The following CTNND2 variants were observed in gnomAD, a reference collection of about 807,000 sequenced individuals.
CTNND2 encodes catenin delta-2.
Under a neutral mutation model 144.4 loss-of-function variants are expected in CTNND2, and 22 were observed. The observed-to-expected ratio is 0.15, with a 90% confidence interval of 0.11 to 0.22. The LOEUF (loss-of-function observed/expected upper bound fraction) is 0.22, where lower values mean the gene tolerates loss of function less well. Among genes scored for constraint, CTNND2 ranks in the 10% least tolerant of loss-of-function variants. The probability of loss-of-function intolerance (pLI) is 1.00; values close to 1 mark genes in which losing one functional copy is unlikely to be tolerated. For synonymous variants in CTNND2, 751 were observed against 695.6 expected (o/e 1.08, Z -1.25); for missense variants, 1,353 against 1,618.8 (o/e 0.84, Z 2.82).
At chr5:11,209,894 C>T (rs1738449225) in intron 10 of CTNND2, among the ~76,000 whole-genome samples, 1 of 152,020 alleles carries the variant, frequency 6.6e-6, no homozygotes, top group African/African-American at 2.4e-5. Flanking sequence ...TGCACTCCAG[C>T]CTGGGAGACA....
At chr5:11,286,087 C>A in intron 9 of CTNND2, among the ~76,000 whole-genome samples, 1 of 151,016 alleles carries the variant, frequency 6.6e-6, no homozygotes. Context: ...ACACTACACA[C>A]AAGAAGTTGA....
chr5:11,836,528 C>T (rs1164764841), intron 1 of CTNND2, among the ~76,000 whole-genome samples: 3 of 144,396 alleles, frequency 2.1e-5, no homozygotes, highest in Non-Finnish European at 4.5e-5. Flanking sequence ...TAAAAGGAGC[C>T]AAACTACCAA....
chr5:11,566,269 G>A (rs1049871146), intron 2 of CTNND2, among the ~76,000 whole-genome samples: 2 of 152,164 alleles, frequency 1.3e-5, no homozygotes, highest in African/African-American at 4.8e-5. Flanking sequence ...TGCTGAAACT[G>A]AGGGAACATT....
intron 8 of CTNND2, among the ~76,000 whole-genome samples, chr5:11,351,162 G>C (rs575705816): frequency 6.6e-6 from 1 of 152,222 alleles, no homozygotes; most frequent in South Asian, 2.1e-4. Flanking sequence ...TTTCTGGACT[G>C]TTGAACACTT....
chr5:11,396,613 A>G (rs1297531147), intron 6 of CTNND2, among the ~76,000 whole-genome samples: 3 of 152,186 alleles, frequency 2.0e-5, no homozygotes. Context: ...CTTTATATTG[A>G]TATCAAAAAC....
At position 11,006,570 on chromosome 5, in the gene CTNND2, C is replaced by T. The variant is rs1032592264; in HGVS notation, c.3084+11404G>A. On this transcript the variant is annotated intron_variant, in intron 18 of 21. Coordinates refer to ENST00000304623, the MANE Select transcript of CTNND2 (RefSeq NM_001332.4). ...TTGGATCATTAGATGTTTAGGTCTG[C>T]GTGTTACAGTGGGGAGCCCTCCCTA... Among the ~76,000 whole-genome samples the T allele has an allele frequency of 3.9e-5, 6 of 152,296 alleles. No homozygotes were observed. In the East Asian group the frequency reaches 5.8e-4, roughly 15 times the overall value.
intron 2 of CTNND2, among the ~76,000 whole-genome samples, chr5:11,596,734 C>T (rs1020994590): frequency 1.3e-5 from 2 of 152,056 alleles, no homozygotes; most frequent in Admixed American, 6.6e-5. Flanking sequence ...AGTTCAGATG[C>T]GTAGAGGGTA....
intron 10 of CTNND2, among the ~76,000 whole-genome samples, chr5:11,200,673 CTTTTCTT>C (rs1419595302): frequency 3.3e-5 from 5 of 152,124 alleles, no homozygotes; most frequent in South Asian, 2.1e-4. Flanking sequence ...CTCTTTCTTT[CTTTTCTT>C]TTTTCTTTTT....
chr5:11,385,168 G>T lies in CTNND2; in HGVS notation c.674C>A (p.Pro225Gln). The T allele has an allele frequency of 2.0e-6, 2 of 1,021,900 alleles. No homozygotes were observed. The highest frequency in any genetic ancestry group is 1.8e-4 in the East Asian group (2 of 11,326). 63.3% of individuals were successfully genotyped at this position (1,021,900 alleles called of 1,614,324 possible). Residue 225 changes from proline (P) to glutamine (Q), a missense_variant, in exon 7 of 22, where the codon CCG becomes CAG. Around this residue, in one of 4 missense-constraint regions of CTNND2, gnomAD observed 708 missense variants for 706.4 expected, o/e 1.00. Coordinates refer to ENST00000304623, the MANE Select transcript of CTNND2 (RefSeq NM_001332.4). ...GCTGGGCGCGAACGGCTCCCGCGGC[G>T]GCGGCGGCGGCGGCGGCGCGGGCTC... ...GPEPAPPPPPPPREPFAPSLG... is the reference protein window; with the variant it reads ...GPEPAPPPPPQPREPFAPSLG...
intron 2 of CTNND2, among the ~76,000 whole-genome samples, chr5:11,723,777 C>T (rs1426323186): frequency 6.6e-6 from 1 of 152,080 alleles, no homozygotes; most frequent in Non-Finnish European, 1.5e-5. Context: ...AGTTATTGGG[C>T]CGGGCGTGGT....
Position 11,803,423 on chromosome 5 carries a change from G to A in CTNND2, c.38-71151C>T, listed in dbSNP as rs550356748. On this transcript the variant is annotated intron_variant, in intron 1 of 21. Transcript: ENST00000304623. Reference sequence around the variant, plus strand: ...TCATCTTTGCTCCAAAGGGGAAAAGGAATCTGAACTGTATAAACTTGTGCA... The same window carrying A: ...TCATCTTTGCTCCAAAGGGGAAAAGAAATCTGAACTGTATAAACTTGTGCA... Among the ~76,000 whole-genome samples the A allele has an allele frequency of 9.8e-5, 15 of 152,298 alleles. No individual in the cohort carries two copies. The South Asian group carries it at 2.9e-3, about 30-fold the overall frequency.
intron 2 of CTNND2, among the ~76,000 whole-genome samples, chr5:11,673,638 G>T (rs1045418421): frequency 6.6e-6 from 1 of 152,136 alleles, no homozygotes; most frequent in South Asian, 2.1e-4. Context: ...GTTTTGTAAT[G>T]GCCTCAAGCC....
intron 1 of CTNND2, among the ~76,000 whole-genome samples, chr5:11,747,353 A>C (rs1387406736): frequency 6.6e-6 from 1 of 152,196 alleles, no homozygotes; most frequent in African/African-American, 2.4e-5. Flanking sequence ...AGGAAGTTCT[A>C]ACATATTTCA....
chr5:11,051,882 C>G (rs185628900), intron 16 of CTNND2, among the ~76,000 whole-genome samples: 50 of 152,238 alleles, frequency 3.3e-4, no homozygotes, highest in African/African-American at 1.1e-3. Flanking sequence ...TTTAAAAATA[C>G]TAAATTTTTG....
chr5:10,979,798 T>C (rs1319046659), intron 21 of CTNND2, among the ~76,000 whole-genome samples: 3 of 152,158 alleles, frequency 2.0e-5, no homozygotes, highest in Non-Finnish European at 4.4e-5. Context: ...AAACAAGCAA[T>C]GGGGAAAAGA....
intron 3 of CTNND2, among the ~76,000 whole-genome samples, chr5:11,454,584 CAG>C (rs1765572986): frequency 6.7e-6 from 1 of 149,476 alleles, no homozygotes. Flanking sequence ...ATATTCATAA[CAG>C]AAAGTTTTTT....
intron 12 of CTNND2, among the ~76,000 whole-genome samples, chr5:11,151,986 C>G (rs1757791818): frequency 6.6e-6 from 1 of 152,038 alleles, no homozygotes; most frequent in Non-Finnish European, 1.5e-5. Flanking sequence ...ATGGAAAAGA[C>G]AGGGCACATA....
At chr5:11,069,160 C>G (rs1747953961) in intron 16 of CTNND2, among the ~76,000 whole-genome samples, 1 of 152,124 alleles carries the variant, frequency 6.6e-6, no homozygotes, top group African/African-American at 2.4e-5. Flanking sequence ...TGTTCTTATT[C>G]CTAAAGAGTG....
chr5:11,443,417 G>GGT (rs1283197332), intron 3 of CTNND2, among the ~76,000 whole-genome samples: 4 of 131,372 alleles, frequency 3.0e-5, no homozygotes, highest in East Asian at 2.3e-4. Flanking sequence ...GGGGGTGTGT[G>GGT]GTGTGTGTGT....
Sources: allele counts gnomAD v4.1 joint callset (sites outside exome capture counted in the v4.1 genomes callset), GRCh38; gene constraint gnomAD v4.1.1; regional missense constraint gnomAD v4.1.1; transcripts MANE v1.5; gene names NCBI Gene and HGNC (gene_info 2026-07-23, HGNC 2026-07-21).